Variants in AEBP2 observed in about 807,000 individuals in gnomAD.
AEBP2 encodes zinc finger protein AEBP2.
In AEBP2, 10 loss-of-function variants were observed where a neutral mutation model predicts 50.8. That is an observed-to-expected ratio of 0.20 (90% CI 0.12 to 0.33). AEBP2 has a LOEUF of 0.33. AEBP2 is among the 10% of genes least tolerant of loss of function. The pLI, the probability that AEBP2 is intolerant of heterozygous loss-of-function variation, is 1.00. For missense variants in AEBP2, 570 were observed against 688.0 expected (o/e 0.83, Z 1.92); for synonymous variants, 296 against 261.3 (o/e 1.13, Z -1.28).
rs1246519892 is a variant in AEBP2, at chr12:19,467,528, A to G, written c.879+4811A>G. On this transcript the variant is annotated intron_variant, in intron 2 of 7. Coordinates refer to ENST00000266508, the MANE Select transcript of AEBP2 (RefSeq NM_153207.5). ...CGCCTAGTCTCGAACACCTGACCTC[A>G]GGTGATCCACCCGCCTCTGGCTCCC... Among the ~76,000 whole-genome samples, 11 of 151,774 alleles carry G rather than the reference A, an allele frequency of 7.2e-5. 1 individual carries two copies. The highest frequency in any genetic ancestry group is 7.2e-4 in the Admixed American group (11 of 15,246).
intron 1 of AEBP2, among the ~76,000 whole-genome samples, chr12:19,429,699 G>A (rs1312748815): frequency 6.6e-6 from 1 of 152,134 alleles, no homozygotes; most frequent in East Asian, 1.9e-4. Flanking sequence ...ATCTCATTGT[G>A]GTTTTGATTT....
chr12:19,457,576 C>G (rs1948293115), intron 1 of AEBP2: 2 of 1,480,570 alleles, frequency 1.4e-6, no homozygotes, highest in Non-Finnish European at 1.8e-6. Flanking sequence ...TTCAGATGGC[C>G]AGTAGTGGTG....
intron 1 of AEBP2, among the ~76,000 whole-genome samples, chr12:19,424,495 C>A (rs1376813051): frequency 1.3e-5 from 2 of 151,812 alleles, no homozygotes; most frequent in African/African-American, 4.8e-5. Flanking sequence ...CTCCCGGGTT[C>A]ACGCCACTCT....
intron 1 of AEBP2, among the ~76,000 whole-genome samples, chr12:19,428,471 C>T (rs1044979211): frequency 1.3e-5 from 2 of 152,166 alleles, no homozygotes; most frequent in Non-Finnish European, 2.9e-5. Flanking sequence ...GAATCAGACA[C>T]ATGTGGTGTT....
At chr12:19,474,071 G>A (rs913745736) in intron 3 of AEBP2, among the ~76,000 whole-genome samples, 15 of 152,234 alleles carry the variant, frequency 9.9e-5, no homozygotes, top group African/African-American at 3.6e-4. Context: ...GACATTAAAG[G>A]ATTTGATTCC....
intron 1 of AEBP2, among the ~76,000 whole-genome samples, chr12:19,415,840 A>G (rs1307025934): frequency 6.6e-6 from 1 of 152,088 alleles, no homozygotes; most frequent in Non-Finnish European, 1.5e-5. Context: ...CAAGAACACT[A>G]GAGGATTCTG....
chr12:19,417,789 C>A (rs1161624187), intron 1 of AEBP2, among the ~76,000 whole-genome samples: 1 of 151,682 alleles, frequency 6.6e-6, no homozygotes, highest in Non-Finnish European at 1.5e-5. Context: ...ACTGCAATTT[C>A]CACGTCCTGG....
At position 19,416,365 on chromosome 12, in the gene AEBP2, T is replaced by A. The variant is rs1428139672; in HGVS notation, c.-17+12149T>A. ...TTCTAAGTTTTGAGCTTTTTGCTATTATAAATAATCTGAGATACAAATGGT... is the reference window on the plus strand; with the variant it reads ...TTCTAAGTTTTGAGCTTTTTGCTATAATAAATAATCTGAGATACAAATGGT... On this transcript the variant is annotated intron_variant, in intron 1 of 3. Coordinates refer to the AEBP2 transcript ENST00000538425. 2.6e-5 allele frequency among the ~76,000 whole-genome samples: 4 copies of A among 152,168 alleles called. No individual in the cohort carries two copies. In the East Asian group the frequency reaches 7.7e-4, roughly 29 times the overall value.
chr12:19,457,205 C>G, intron 1 of AEBP2: 2 of 1,597,984 alleles, frequency 1.3e-6, no homozygotes, highest in Non-Finnish European at 1.7e-6. Flanking sequence ...TGTTTCACAC[C>G]CAGTGTGTAA....
chr12:19,405,087 C>T (rs1024342387), intron 1 of AEBP2, among the ~76,000 whole-genome samples: 1 of 151,592 alleles, frequency 6.6e-6, no homozygotes, highest in African/African-American at 2.4e-5. Flanking sequence ...AGGCATGCCC[C>T]ACCACGCCCA....
intron 1 of AEBP2, among the ~76,000 whole-genome samples, chr12:19,433,759 T>G (rs1284558728): frequency 6.6e-6 from 1 of 150,984 alleles, no homozygotes; most frequent in Non-Finnish European, 1.5e-5. Flanking sequence ...ACCGAGATCA[T>G]GCCACTTTGC....
In AEBP2 at chr12:19,518,463, A is replaced by G. The variant is rs1949351692; in HGVS notation, c.*346A>G. 1.5e-5 allele frequency: 18 copies of G among 1,232,230 alleles called. No individual in the cohort carries two copies. Among genetic ancestry groups the G allele is most frequent in the Non-Finnish European group, 1.7e-5 (17 of 986,582 alleles). The allele number at this position is 1,232,230 out of a possible 1,614,324, so 76.3% of individuals were successfully genotyped here. A position where few individuals can be genotyped will look rare whatever the true frequency, so the allele number is the denominator to read the frequency against. ...CTTTTTTTTTTCTTTTCTTCCCTTT[A>G]GTGATTTCAGTAGTTTATATTGGAA... On this transcript the variant is annotated 3_prime_UTR_variant, in exon 8 of 8. Transcript: ENST00000266508.
chr12:19,464,160 G>C (rs1948429598), intron 2 of AEBP2, among the ~76,000 whole-genome samples: 1 of 152,166 alleles, frequency 6.6e-6, no homozygotes, highest in African/African-American at 2.4e-5. Context: ...TCCATCATAT[G>C]GTATTTTCAG....
intron 3 of AEBP2, among the ~76,000 whole-genome samples, chr12:19,484,834 G>A (rs1948784501): frequency 3.3e-5 from 5 of 151,992 alleles, no homozygotes; most frequent in Admixed American, 3.3e-4. Flanking sequence ...GAATGAATAA[G>A]TAAATCAATG....
In AEBP2 at chr12:19,514,782, C is replaced by A; in HGVS notation, c.1479C>A (p.Tyr493Ter). Reference protein sequence around the residue: ...DTALLLDPNIYRTMPQKRLKR With the variant: ...DTALLLDPNI ...CCTTGCTTTTGGACCCAAACATATACAGGTAATTTAATTCTTGCCTTTATG... is the reference window on the plus strand; with the variant it reads ...CCTTGCTTTTGGACCCAAACATATAAAGGTAATTTAATTCTTGCCTTTATG... The change falls in exon 7 of 8, where the codon TAC (tyrosine) becomes TAA (stop). Residue 493 changes from tyrosine to a stop codon, truncating the protein, a stop_gained and splice_region_variant. Transcript: ENST00000266508. LOFTEE classifies it high-confidence loss of function. 1 of 1,596,106 alleles carries A rather than the reference C, an allele frequency of 6.3e-7. No homozygotes were observed. The highest frequency in any genetic ancestry group is 8.5e-7 in the Non-Finnish European group (1 of 1,169,998).
At position 19,477,254 on chromosome 12, in the gene AEBP2, C is replaced by T. The variant is rs1012829162; in HGVS notation, c.987+3899C>T. On this transcript the variant is annotated intron_variant, in intron 3 of 7. Coordinates refer to ENST00000266508, the MANE Select transcript of AEBP2 (RefSeq NM_153207.5). ...ATATGATCATATCGTCAGCAAACAG[C>T]GACAGTTTTATTTCCTCTTACCTAT... Among the ~76,000 whole-genome samples the T allele has an allele frequency of 5.9e-5, 9 of 152,196 alleles. No homozygotes were observed. In the East Asian group the frequency reaches 1.4e-3, roughly 23 times the overall value.
Position 19,462,521 on chromosome 12 carries a change from C to T in AEBP2, c.683C>T (p.Thr228Ile). 6.2e-7 allele frequency: 1 copy of T among 1,610,152 alleles called. No homozygotes were observed. Among genetic ancestry groups the T allele is most frequent in the African/African-American group, 1.3e-5 (1 of 74,984 alleles). The change falls in exon 2 of 8, where the codon ACT (threonine) becomes ATT (isoleucine). Residue 228 changes from threonine to isoleucine, a missense_variant. This residue lies in a region of AEBP2 where 184 missense variants were observed against 351.2 expected (regional missense o/e 0.52). Coordinates refer to ENST00000266508, the MANE Select transcript of AEBP2 (RefSeq NM_153207.5). ...RMDSEDSISS[T>I]IMDVDSTISS... is the part of the protein sequence containing the mutation. The stretch of plus-strand genomic sequence containing the variant: ...TTCTTCTTTTGTAGCATAAGCAGTA[C>T]TATAATGGATGTAGACAGCACAATT...
intron 1 of AEBP2, among the ~76,000 whole-genome samples, chr12:19,462,052 T>C (rs185435009): frequency 5.3e-5 from 8 of 152,330 alleles, no homozygotes; most frequent in Admixed American, 2.0e-4. Flanking sequence ...GCAGCAGTTA[T>C]ATTTTCAGAT....
chr12:19,454,436 G>A (rs184715789), intron 1 of AEBP2, among the ~76,000 whole-genome samples: 3 of 152,202 alleles, frequency 2.0e-5, no homozygotes, highest in Admixed American at 1.3e-4. Flanking sequence ...TCTTTAATTG[G>A]TTAAGGTATA....
Sources: allele counts gnomAD v4.1 joint callset (sites outside exome capture counted in the v4.1 genomes callset), GRCh38; gene constraint gnomAD v4.1.1; regional missense constraint gnomAD v4.1.1; transcripts MANE v1.5; gene names NCBI Gene and HGNC (gene_info 2026-07-23, HGNC 2026-07-21).